Variants in ZNF396 observed in about 807,000 individuals in gnomAD.
ZNF396 encodes zinc finger and SCAN domain-containing protein 14.
Under a neutral mutation model 20.5 loss-of-function variants are expected in ZNF396, and 14 were observed. The observed-to-expected ratio is 0.68, with a 90% CI of 0.45 to 1.07. The LOEUF (loss-of-function observed/expected upper bound fraction) is 1.07. Among genes scored for constraint, ZNF396 ranks in the 50% least tolerant of loss-of-function variants. The probability of loss-of-function intolerance (pLI) is 0.00; values close to 1 mark genes in which losing one functional copy is unlikely to be tolerated. For synonymous variants in ZNF396, 119 were observed against 140.6 expected, an observed-to-expected ratio of 0.85 and a Z score of 1.08; for missense variants, 347 against 390.1, an observed-to-expected ratio of 0.89 and a Z score of 0.93.
At chr18:35,376,147 G>T (rs145201307) in intron 1 of ZNF396, 1 of 152,210 alleles carries the variant, frequency 6.6e-6, no homozygotes, top group African/African-American at 2.4e-5. Flanking sequence ...GTCTTCCATC[G>T]TTATGTATCC....
intron 3 of ZNF396, among the ~76,000 whole-genome samples, chr18:35,370,735 G>A (rs867493562): frequency 1.3e-5 from 2 of 151,436 alleles, no homozygotes; most frequent in African/African-American, 2.4e-5. Context: ...GGATGGTCTC[G>A]ATCTCCTGAC....
In ZNF396 at chr18:35,373,976, T is replaced by C. The variant is rs761854981; in HGVS notation, c.317A>G (p.Lys106Arg). The C allele has an allele frequency of 1.2e-6, 2 of 1,614,204 alleles. No individual in the cohort carries two copies. The highest frequency in any genetic ancestry group is 1.7e-6 in the Non-Finnish European group (2 of 1,180,028). The change falls in exon 2 of 4, where the codon AAA becomes AGA. Residue 106 changes from lysine to arginine, a missense_variant. Coordinates refer to ENST00000589332, the MANE Select transcript of ZNF396 (RefSeq NM_001322286.2). ...CTTCTGCACCCAGGCCTGAAGCTCT[T>C]TTGGGAGGATGGCCAGGAACTGCTC... ...VLEQFLAILP[K>R]ELQAWVQKHH...
intron 3 of ZNF396, among the ~76,000 whole-genome samples, chr18:35,370,255 G>A (rs185308950): frequency 3.9e-4 from 60 of 152,232 alleles, no homozygotes; most frequent in Admixed American, 7.9e-4. Flanking sequence ...CTCCTGTATG[G>A]ATTTTATATT....
At chr18:35,373,389 C>T (rs757299216) in intron 3 of ZNF396, 67 bp downstream of exon 3, 8 of 1,546,662 alleles carry the variant, frequency 5.2e-6, no homozygotes, top group Non-Finnish European at 7.0e-6. Context: ...CATAAATCAG[C>T]TGAGATGTGT....
intron 3 of ZNF396, among the ~76,000 whole-genome samples, chr18:35,370,723 C>T (rs896482029): frequency 4.6e-5 from 7 of 151,604 alleles, no homozygotes; most frequent in African/African-American, 7.3e-5. Context: ...CCGTTTTAGC[C>T]GGGATGGTCT....
At chr18:35,375,563 A>G (rs1192354821) in intron 1 of ZNF396, among the ~76,000 whole-genome samples, 5 of 152,170 alleles carry the variant, frequency 3.3e-5, no homozygotes, top group African/African-American at 1.2e-4. Flanking sequence ...TGTATTATCA[A>G]AATATTGCAC....
chr18:35,373,222 C>A, intron 3 of ZNF396: 2 of 514,636 alleles, frequency 3.9e-6, no homozygotes, highest in South Asian at 5.5e-5. Context: ...GCATGAAAAC[C>A]CTGATGCAGA....
At position 35,368,179 on chromosome 18, in the gene ZNF396, A is replaced by ATTCCTTATGTTTAGCTG. The variant is rs2045119564; in HGVS notation, c.*1035_*1036insCAGCTAAACATAAGGAA. ...ACCCATAGATTAATATTGTTATGAAAACATTCCTTATGTTTAGCTGACTCC... is the reference window on the plus strand; with the variant it reads ...ACCCATAGATTAATATTGTTATGAAATTCCTTATGTTTAGCTGACATTCCTTATGTTTAGCTGACTCC... On this transcript the variant is annotated 3_prime_UTR_variant, in exon 4 of 4. Coordinates refer to ENST00000589332, the MANE Select transcript of ZNF396 (RefSeq NM_001322286.2). 2.9e-6 allele frequency: 1 copy of ATTCCTTATGTTTAGCTG among 346,176 alleles called. No individual in the cohort carries two copies. Among genetic ancestry groups the ATTCCTTATGTTTAGCTG allele is most frequent in the African/African-American group, 2.1e-5 (1 of 46,808 alleles). The allele number at this position is 346,176 out of a possible 1,614,324, so 21.4% of individuals were successfully genotyped here. A position where few individuals can be genotyped will look rare whatever the true frequency, so the allele number is the denominator to read the frequency against.
intron 3 of ZNF396, among the ~76,000 whole-genome samples, chr18:35,370,656 GCGC>G (rs2045165377): frequency 6.7e-6 from 1 of 149,934 alleles, no homozygotes; most frequent in Non-Finnish European, 1.5e-5. Flanking sequence ...GGGACTACAG[GCGC>G]CCGCCACTAC....
rs2045132050 is a variant in ZNF396, at chr18:35,368,833, T to C, written c.*382A>G. 1 of 1,002,176 alleles carries C rather than the reference T, an allele frequency of 1.0e-6. No homozygotes were observed. The highest frequency in any genetic ancestry group is 1.2e-6 in the Non-Finnish European group (1 of 841,688). The allele number at this position is 1,002,176 out of a possible 1,614,324, so 62.1% of individuals were successfully genotyped here. A position where few individuals can be genotyped will look rare whatever the true frequency, so the allele number is the denominator to read the frequency against. On this transcript the variant is annotated 3_prime_UTR_variant, in exon 4 of 4. Transcript: ENST00000589332. ...TATGAAATGGAGGAGAATGTCTATTTTTACACTGAGTAACTCACACATTCC... is the reference window on the plus strand; with the variant it reads ...TATGAAATGGAGGAGAATGTCTATTCTTACACTGAGTAACTCACACATTCC...
intron 3 of ZNF396, among the ~76,000 whole-genome samples, chr18:35,370,349 G>T: frequency 6.6e-6 from 1 of 152,004 alleles, no homozygotes; most frequent in African/African-American, 2.4e-5. Context: ...ATGGGCTGCG[G>T]CCACTCAGGC....
chr18:35,374,373 T>A lies in ZNF396; in HGVS notation c.-72-9A>T. ...TGTCCTGATGGACACTCCTTAAATA[T>A]GATTAAAGAAACAAGTGGAAAGAAG... On this transcript the variant is annotated splice_polypyrimidine_tract_variant and intron_variant, in intron 1 of 3. Transcript: ENST00000589332. This position sits in a 1 kb window ranked among gnomAD's most constrained non-coding sequence, Gnocchi z 4.3. The A allele has an allele frequency of 1.5e-6, 2 of 1,348,568 alleles. No homozygotes were observed. The highest frequency in any genetic ancestry group is 2.0e-6 in the Non-Finnish European group (2 of 991,970). 83.5% of individuals were successfully genotyped at this position (1,348,568 alleles called of 1,614,324 possible).
chr18:35,375,842 A>C (rs981985481), intron 1 of ZNF396, among the ~76,000 whole-genome samples: 2 of 152,114 alleles, frequency 1.3e-5, no homozygotes, highest in Non-Finnish European at 2.9e-5. Flanking sequence ...TTCTGGGTTC[A>C]AGCGATTCTC....
chr18:35,370,158 G>A (rs926727721), intron 3 of ZNF396, among the ~76,000 whole-genome samples: 1 of 152,132 alleles, frequency 6.6e-6, no homozygotes, highest in Non-Finnish European at 1.5e-5. Context: ...ATATAAGTTA[G>A]GCCAATAAAG....
At position 35,369,047 on chromosome 18, in the gene ZNF396, A is replaced by G; in HGVS notation, c.*168T>C. 1 of 1,383,674 alleles carries G rather than the reference A, an allele frequency of 7.2e-7. No homozygotes were observed. Among genetic ancestry groups the G allele is most frequent in the South Asian group, 1.9e-5 (1 of 52,644 alleles). 85.7% of individuals were successfully genotyped at this position (1,383,674 alleles called of 1,614,324 possible). The stretch of plus-strand genomic sequence containing the variant: ...ACTGCATTGATAAGCAGAAAAGCAA[A>G]TAATGCTGACCTGAGATCTTCAACC... On this transcript the variant is annotated 3_prime_UTR_variant, in exon 4 of 4. Coordinates refer to ENST00000589332, the MANE Select transcript of ZNF396 (RefSeq NM_001322286.2).
chr18:35,375,136 T>TA (rs572203501), intron 1 of ZNF396, among the ~76,000 whole-genome samples: 307 of 147,270 alleles, frequency 2.1e-3, no homozygotes, highest in Non-Finnish European at 2.9e-3. Context: ...AAGGAACCAT[T>TA]AAAAAAAAAA....
chr18:35,373,686 TATC>T (rs2045216665), intron 2 of ZNF396, 86 bp from the exon 3 acceptor site: 2 of 1,540,580 alleles, frequency 1.3e-6, no homozygotes, highest in East Asian at 2.3e-5. Context: ...ATGCAAAAAG[TATC>T]ATGGACACAG....
intron 3 of ZNF396, chr18:35,371,833 A>G (rs1184781046): frequency 6.6e-6 from 1 of 152,204 alleles, no homozygotes; most frequent in African/African-American, 2.4e-5. Flanking sequence ...ATTTATTATT[A>G]CTAGTTTAAG....
In ZNF396 at chr18:35,368,471, T is replaced by A. The variant is rs770829934; in HGVS notation, c.*744A>T. On this transcript the variant is annotated 3_prime_UTR_variant, in exon 4 of 4. Coordinates refer to ENST00000589332, the MANE Select transcript of ZNF396 (RefSeq NM_001322286.2). ...CTAGTAACAGAAGACAAAATAGGAA[T>A]TTATTTTTATTTTTATTTATTTATT... 4.0e-6 allele frequency: 3 copies of A among 755,900 alleles called. No homozygotes were observed. The highest frequency in any genetic ancestry group is 7.6e-5 in the South Asian group (2 of 26,312). The allele number at this position is 755,900 out of a possible 1,614,324, so 46.8% of individuals were successfully genotyped here.
Sources: allele counts gnomAD v4.1 joint callset (sites outside exome capture counted in the v4.1 genomes callset), GRCh38; gene constraint gnomAD v4.1.1; non-coding constraint Gnocchi (gnomAD v3.1); transcripts MANE v1.5; gene names NCBI Gene and HGNC (gene_info 2026-07-23, HGNC 2026-07-21).